Variants in APEH observed in about 807,000 individuals in gnomAD.
APEH encodes the protein acylaminoacyl-peptide hydrolase.
In APEH, 75 loss-of-function variants were observed where a neutral mutation model predicts 102.7. The ratio of observed to expected loss-of-function variants is 0.73; its 90% CI spans 0.61 to 0.89. The LOEUF (loss-of-function observed/expected upper bound fraction) is 0.89. Among genes scored for constraint, APEH ranks in the 40% least tolerant of loss-of-function variants. The probability of loss-of-function intolerance (pLI) is 0.00; values close to 1 mark genes in which losing one functional copy is unlikely to be tolerated. For missense variants in APEH, 863 were observed against 941.2 expected (o/e 0.92, Z 1.09); for synonymous variants, 344 against 362.7 (o/e 0.95, Z 0.59).
upstream of APEH, among the ~76,000 whole-genome samples, chr3:49,673,175 G>C (rs958304919): frequency 2.1e-5 from 3 of 145,198 alleles, no homozygotes; most frequent in Non-Finnish European, 3.0e-5. Flanking sequence ...GAAGCTACAG[G>C]CCAGACAAGT....
chr3:49,678,698 G>A (rs184669657), intron 11 of APEH, among the ~76,000 whole-genome samples, 154 bp from the exon 12 acceptor site: 4 of 152,254 alleles, frequency 2.6e-5, no homozygotes, highest in South Asian at 2.1e-4. Context: ...GCTCCTCATC[G>A]CGTAGCGTGC....
intron 14 of APEH, among the ~76,000 whole-genome samples, chr3:49,680,844 A>T (rs2053286120): frequency 1.3e-5 from 2 of 152,216 alleles, no homozygotes; most frequent in African/African-American, 4.8e-5. Context: ...GTGCCTGGGG[A>T]AGTGCTCTGT....
chr3:49,683,461 A>G lies in APEH; in HGVS notation c.*119A>G. 1.2e-6 allele frequency: 1 copy of G among 834,580 alleles called. No homozygotes were observed. Among genetic ancestry groups the G allele is most frequent in the Non-Finnish European group, 2.0e-6 (1 of 499,632 alleles). The allele number at this position is 834,580 out of a possible 1,614,324, so 51.7% of individuals were successfully genotyped here. A position where few individuals can be genotyped will look rare whatever the true frequency, so the allele number is the denominator to read the frequency against. On this transcript the variant is annotated 3_prime_UTR_variant, in exon 22 of 22. Transcript: ENST00000296456. ...CTCTGGACTCCACGGATGCGTGGGC[A>G]GAGGAATGTGGGCTATGTAGTCATA...
In APEH at chr3:49,680,632, G is replaced by A. The variant is rs1468150622; in HGVS notation, c.1299+3G>A. On this transcript the variant is annotated splice_donor_region_variant and intron_variant, in intron 14 of 21. Transcript: ENST00000296456. ...CACCCAGCCTACCTCCAACCCTGGT[G>A]AGTGTCGGTGGGTCCCAGGCTGTGG... The A allele has an allele frequency of 6.2e-7, 1 of 1,613,600 alleles. No homozygotes were observed. Among genetic ancestry groups the A allele is most frequent in the Non-Finnish European group, 8.5e-7 (1 of 1,179,672 alleles).
In APEH at chr3:49,682,953, G is replaced by C; in HGVS notation, c.1986+8G>C. 1 of 1,613,170 alleles carries C rather than the reference G, an allele frequency of 6.2e-7. No homozygotes were observed. Among genetic ancestry groups the C allele is most frequent in the South Asian group, 1.1e-5 (1 of 90,984 alleles). ...ATCAGATACATCCCTCAGGTATGCA[G>C]CCCCCTCCTTGCCCTGTGTGCTGCC... On this transcript the variant is annotated splice_region_variant and intron_variant, in intron 20 of 21. Coordinates refer to ENST00000296456, the MANE Select transcript of APEH (RefSeq NM_001640.4).
rs1204543914 is a variant in APEH, at chr3:49,678,871, C to T, written c.1080C>T (p.Tyr360=). The change falls in exon 12 of 22, where the codon TAC becomes TAT. Residue 360 remains tyrosine, a synonymous_variant. Transcript: ENST00000296456. ...RQLGENFSGI[Y]CSLLPLGCWS... ...TTACAGAGAACTTCTCTGGGATCTA[C>T]TGCAGCCTTCTGCCTTTGGGATGCT... 1 of 1,613,838 alleles carries T rather than the reference C, an allele frequency of 6.2e-7. No homozygotes were observed.
upstream of APEH, chr3:49,674,005 A>C: frequency 3.4e-6 from 1 of 291,420 alleles, no homozygotes; most frequent in Non-Finnish European, 6.5e-6. Flanking sequence ...GCACCCCCTC[A>C]ACCCCTTCTC....
chr3:49,674,260 C>T, upstream of APEH: 2 of 1,110,708 alleles, frequency 1.8e-6, no homozygotes, highest in Non-Finnish European at 2.5e-6. Flanking sequence ...CGGTCCTCAC[C>T]CATTAGCCGA....
chr3:49,673,462 C>T (rs114838857), upstream of APEH, among the ~76,000 whole-genome samples: 682 of 152,152 alleles, frequency 4.5e-3, 5 homozygotes, highest in Middle Eastern at 6.8e-3. Flanking sequence ...AAGGCAGGGA[C>T]CCACCAGCTC....
At chr3:49,681,618 A>C in intron 15 of APEH, 104 bp from the exon 16 acceptor site, 1 of 1,088,876 alleles carries the variant, frequency 9.2e-7, no homozygotes, top group Non-Finnish European at 1.3e-6. Flanking sequence ...TACCTTGGCC[A>C]GGTCTCTGAC....
At chr3:49,680,870 C>G (rs929918269) in intron 14 of APEH, among the ~76,000 whole-genome samples, 9 of 152,184 alleles carry the variant, frequency 5.9e-5, no homozygotes, top group African/African-American at 9.7e-5. Flanking sequence ...TATTACAGAG[C>G]AAAGGAGACA....
chr3:49,680,427 G>A (rs1301518373), intron 13 of APEH, 114 bp from the exon 14 acceptor site: 14 of 922,376 alleles, frequency 1.5e-5, no homozygotes, highest in African/African-American at 6.5e-5. Context: ...GGCACTTCTC[G>A]GGGAGAAAAG....
At chr3:49,674,306 G>T, upstream of APEH, 1 of 1,453,440 alleles carries the variant, frequency 6.9e-7, no homozygotes, top group Non-Finnish European at 9.2e-7. Context: ...CAGGGCAGGG[G>T]CGGAGACAGC....
At position 49,674,621 on chromosome 3, in the gene APEH, G is replaced by T; in HGVS notation, c.145G>T (p.Glu49Ter). 1 of 1,586,448 alleles carries T rather than the reference G, an allele frequency of 6.3e-7. No individual in the cohort carries two copies. Among genetic ancestry groups the T allele is most frequent in the Non-Finnish European group, 8.5e-7 (1 of 1,175,724 alleles). Residue 49 changes from glutamate to a stop codon, truncating the protein, a stop_gained and splice_region_variant, in exon 2 of 22, where the codon GAG becomes TAG. Transcript: ENST00000296456. LOFTEE classifies it high-confidence loss of function. ...YGGQYRTVHTEWTQRDLERME... is the reference protein window; with the variant it reads ...YGGQYRTVHT ...CGGCCAATACCGGACGGTGCACACT[G>T]GTGTGTGTGCGAAGGGGAACTGGCT...
rs1234652171 is a variant in APEH at position 49,676,475 on chromosome 3, C to T, written c.704C>T (p.Ser235Phe). ...CVLDVESGNI[S>F]VLEGVPENVS... ...CTGGATGTCGAGAGTGGCAACATCT[C>T]TGTGCTTGAGGGGGTCCCTGAGAAT... The change falls in exon 7 of 22, where the codon TCT (serine) becomes TTT (phenylalanine). Residue 235 changes from serine (S) to phenylalanine (F), a missense_variant. Transcript: ENST00000296456. The T allele has an allele frequency of 2.5e-6, 4 of 1,614,146 alleles. No individual in the cohort carries two copies. The highest frequency in any genetic ancestry group is 2.2e-5 in the South Asian group (2 of 91,092).
rs1453271976 is a variant in APEH, at chr3:49,677,176, CAAG to C, written c.999+153_999+155del. On this transcript the variant is annotated intron_variant, in intron 10 of 21. Coordinates refer to ENST00000296456, the MANE Select transcript of APEH (RefSeq NM_001640.4). ...GCGGTGTGAGTTCTGCCTGTCCTCTCAAGGAGGGCCTAGAGGTTGAGAGTGCTG... is the reference window on the plus strand; with the variant it reads ...GCGGTGTGAGTTCTGCCTGTCCTCTCGAGGGCCTAGAGGTTGAGAGTGCTG... The C allele has an allele frequency of 9.3e-6, 11 of 1,177,358 alleles. 1 individual carries two copies. In the East Asian group the frequency reaches 9.8e-5, roughly 10 times the overall value. The allele number at this position is 1,177,358 out of a possible 1,614,324, so 72.9% of individuals were successfully genotyped here.
rs754821280 is a variant in APEH, at chr3:49,679,546, G to C, written c.1159-47G>C. The stretch of plus-strand genomic sequence containing the variant: ...TAGGGGAGGGACCCATAGGTAGAGG[G>C]AGTACTCTTGGATGTGGTCGCACCT... On this transcript the variant is annotated intron_variant, in intron 12 of 21. Transcript: ENST00000296456. The surrounding 1 kb of genome is among the most constrained non-coding windows in gnomAD (Gnocchi z 4.3). 1 of 1,601,986 alleles carries C rather than the reference G, an allele frequency of 6.2e-7. No individual in the cohort carries two copies. Among genetic ancestry groups the C allele is most frequent in the Non-Finnish European group, 8.6e-7 (1 of 1,169,436 alleles).
chr3:49,677,545 T>C (rs2053117751), intron 10 of APEH, 28 bp from the exon 11 acceptor site: 3 of 1,603,670 alleles, frequency 1.9e-6, no homozygotes, highest in South Asian at 1.1e-5. Flanking sequence ...TGTCCCCTAC[T>C]GGACCTGACC....
chr3:49,674,423 C>G lies in APEH; in HGVS notation c.12+10C>G. On this transcript the variant is annotated intron_variant, in intron 1 of 21. Transcript: ENST00000296456. Reference sequence around the variant, plus strand: ...GACTATGGAACGTCAGGTGAGGGCTCGGCCCGCGGTCCCCGTGGTCCCTGC... The same window carrying G: ...GACTATGGAACGTCAGGTGAGGGCTGGGCCCGCGGTCCCCGTGGTCCCTGC... The G allele has an allele frequency of 6.4e-7, 1 of 1,572,728 alleles. No individual in the cohort carries two copies. Among genetic ancestry groups the G allele is most frequent in the African/African-American group, 1.3e-5 (1 of 74,142 alleles).
Sources: gnomAD v4.1 joint callset for allele counts (sites outside exome capture counted in the v4.1 genomes callset) on GRCh38, gnomAD v4.1.1 for gene constraint, Gnocchi (gnomAD v3.1) non-coding constraint, MANE v1.5 for transcripts, NCBI Gene and HGNC (gene_info 2026-07-23, HGNC 2026-07-21) for gene names.